The following IL1RAPL1 variants were observed in gnomAD, a reference collection of about 807,000 sequenced individuals.
IL1RAPL1 encodes the protein interleukin-1 receptor accessory protein-like 1.
IL1RAPL1 carries 3 observed loss-of-function variants against 48.4 expected under a neutral mutation model. That is an observed-to-expected ratio of 0.06 (90% confidence interval 0.03 to 0.16). IL1RAPL1 has a LOEUF of 0.16. Ranked by LOEUF, IL1RAPL1 falls within the 10% of genes least tolerant of loss-of-function variation. The pLI, the probability that IL1RAPL1 is intolerant of heterozygous loss-of-function variation, is 1.00. For synonymous variants in IL1RAPL1, 185 were observed against 187.7 expected (o/e 0.99, Z 0.12); for missense variants, 349 against 530.6 (o/e 0.66, Z 3.36).
intron 2 of IL1RAPL1, among the ~76,000 whole-genome samples, chrX:29,091,087 G>C (rs925668436): frequency 8.9e-6 from 1 of 112,147 alleles, no homozygotes; most frequent in African/African-American, 3.2e-5. Context: ...TATCAGTTTG[G>C]AACATGTGAA....
chrX:29,136,184 A>G (rs1602074041), intron 2 of IL1RAPL1, among the ~76,000 whole-genome samples: 3 of 99,459 alleles, frequency 3.0e-5, no homozygotes, highest in Admixed American at 1.1e-4. Flanking sequence ...CTGGAGTACA[A>G]TGGCACAATC....
At chrX:29,167,136 T>C (rs948483307) in intron 2 of IL1RAPL1, among the ~76,000 whole-genome samples, 4 of 112,032 alleles carry the variant, frequency 3.6e-5, no homozygotes, top group African/African-American at 1.3e-4. Flanking sequence ...ACCTTGCATC[T>C]TGTTTTGAAC....
At chrX:28,605,602 A>G (rs774404272) in intron 1 of IL1RAPL1, among the ~76,000 whole-genome samples, 1 of 112,200 alleles carries the variant, frequency 8.9e-6, no homozygotes, top group Non-Finnish European at 1.9e-5. Flanking sequence ...TGTTTTCTAC[A>G]GTCTGCTCTC....
chrX:29,683,130 G>A (rs1926509322), intron 6 of IL1RAPL1, among the ~76,000 whole-genome samples: 1 of 112,118 alleles, frequency 8.9e-6, no homozygotes, highest in Non-Finnish European at 1.9e-5. Context: ...CACAATCTTA[G>A]GGCCCTGAAT....
At chrX:29,782,738 C>A (rs1269630702) in intron 6 of IL1RAPL1, among the ~76,000 whole-genome samples, 1 of 109,586 alleles carries the variant, frequency 9.1e-6, no homozygotes, top group East Asian at 2.8e-4. Context: ...TAGGAAAAAG[C>A]ATTATAATGA....
intron 2 of IL1RAPL1, among the ~76,000 whole-genome samples, chrX:29,029,966 A>T (rs1192171414): frequency 2.0e-5 from 2 of 97,575 alleles, no homozygotes; most frequent in African/African-American, 3.9e-5. Context: ...TGGCTTGTGG[A>T]TGTCCAATTG....
intron 2 of IL1RAPL1, among the ~76,000 whole-genome samples, chrX:29,026,113 G>A (rs1926480281): frequency 8.9e-6 from 1 of 112,047 alleles, no homozygotes; most frequent in African/African-American, 3.2e-5. Flanking sequence ...AATGAAAGCT[G>A]AGATGACTGC....
intron 5 of IL1RAPL1, among the ~76,000 whole-genome samples, chrX:29,550,168 A>G (rs1437988590): frequency 9.0e-6 from 1 of 110,991 alleles, no homozygotes; most frequent in Non-Finnish European, 1.9e-5. Flanking sequence ...TCACTAATTT[A>G]ATTTTAGAAA....
chrX:29,865,791 C>G (rs1343881620), intron 6 of IL1RAPL1, among the ~76,000 whole-genome samples: 2 of 103,954 alleles, frequency 1.9e-5, no homozygotes, highest in Non-Finnish European at 3.9e-5. Context: ...TGCACGCCAC[C>G]ACGCCTGGCT....
chrX:29,486,506 A>G (rs752837690), intron 5 of IL1RAPL1, among the ~76,000 whole-genome samples: 1 of 108,722 alleles, frequency 9.2e-6, no homozygotes, highest in African/African-American at 3.4e-5. Flanking sequence ...TCCTCATTGA[A>G]AAATACATAA....
At chrX:29,289,387 C>A (rs992711588) in intron 3 of IL1RAPL1, among the ~76,000 whole-genome samples, 2 of 111,954 alleles carry the variant, frequency 1.8e-5, no homozygotes, top group Non-Finnish European at 3.8e-5. Context: ...ATCCATTGAG[C>A]ATATTTTTGT....
intron 6 of IL1RAPL1, among the ~76,000 whole-genome samples, chrX:29,867,509 C>A (rs1258573700): frequency 8.0e-5 from 9 of 112,027 alleles, no homozygotes; most frequent in Non-Finnish European, 1.3e-4. Flanking sequence ...TTGGCAGAGA[C>A]CAGTCCCTTA....
intron 2 of IL1RAPL1, among the ~76,000 whole-genome samples, chrX:28,884,399 A>T (rs1344854064): frequency 9.0e-6 from 1 of 111,513 alleles, no homozygotes; most frequent in Non-Finnish European, 1.9e-5. Flanking sequence ...GAAACTTTAT[A>T]CTTGGGAAGG....
At chrX:28,815,884 T>TATAA (rs1491054467) in intron 2 of IL1RAPL1, among the ~76,000 whole-genome samples, 1 of 73,298 alleles carries the variant, frequency 1.4e-5, no homozygotes, top group Non-Finnish European at 2.7e-5. Flanking sequence ...TATATATATA[T>TATAA]AATTTTTTTC....
At chrX:29,840,918 A>G (rs1347347880) in intron 6 of IL1RAPL1, among the ~76,000 whole-genome samples, 2 of 112,236 alleles carry the variant, frequency 1.8e-5, no homozygotes, top group Non-Finnish European at 3.8e-5. Context: ...TAACCAATGA[A>G]TTCCTAATAG....
chrX:29,255,507 G>A (rs1244070379), intron 2 of IL1RAPL1, among the ~76,000 whole-genome samples: 1 of 110,297 alleles, frequency 9.1e-6, no homozygotes, highest in East Asian at 2.8e-4. Context: ...TTTGTTACAT[G>A]GGCATATTGC....
At chrX:29,752,048 T>A (rs1484906665) in intron 6 of IL1RAPL1, among the ~76,000 whole-genome samples, 3 of 97,454 alleles carry the variant, frequency 3.1e-5, no homozygotes, top group South Asian at 4.6e-4. Context: ...TCTATCTATT[T>A]TATATATATA....
chrX:29,815,298 C>T (rs1930468913), intron 6 of IL1RAPL1, among the ~76,000 whole-genome samples: 1 of 111,080 alleles, frequency 9.0e-6, no homozygotes, highest in South Asian at 3.8e-4. Context: ...TCTTTCATCC[C>T]CTTGGTTAGG....
At chrX:29,630,191 A>G (rs1034675295) in intron 5 of IL1RAPL1, among the ~76,000 whole-genome samples, 31 of 110,969 alleles carry the variant, frequency 2.8e-4, no homozygotes, top group African/African-American at 9.5e-4. Flanking sequence ...ATCTCTCTCA[A>G]GACTCTTTTG....
Sources: allele counts gnomAD v4.1 joint callset (sites outside exome capture counted in the v4.1 genomes callset), GRCh38; gene constraint gnomAD v4.1.1; transcripts MANE v1.5; gene names NCBI Gene and HGNC (gene_info 2026-07-23, HGNC 2026-07-21).